SLC2A13: variants seen among roughly 807,000 people sequenced by gnomAD.
The protein encoded by SLC2A13 is solute carrier family 2 member 13, also known as proton myo-inositol cotransporter.
SLC2A13 carries 32 observed loss-of-function variants against 64.4 expected under a neutral mutation model. The ratio of observed to expected loss-of-function variants is 0.50; its 90% CI spans 0.37 to 0.67. The LOEUF (loss-of-function observed/expected upper bound fraction) is 0.67. Among genes scored for constraint, SLC2A13 ranks in the 30% least tolerant of loss-of-function variants. The pLI is 0.00. For synonymous variants in SLC2A13, 338 were observed against 327.1 expected (o/e 1.03, Z -0.36); for missense variants, 743 against 829.2 (o/e 0.90, Z 1.28).
At chr12:40,057,951 G>C (rs1012567461) in intron 1 of SLC2A13, among the ~76,000 whole-genome samples, 1 of 151,720 alleles carries the variant, frequency 6.6e-6, no homozygotes, top group Non-Finnish European at 1.5e-5. Flanking sequence ...ACCCACCAAC[G>C]GATATTATCT....
In SLC2A13 at chr12:39,971,997, A is replaced by AAAAATATATATATATATAT. The variant is rs1375405006; in HGVS notation, c.926-20633_926-20632insATATATATATATATATTTT. Among the ~76,000 whole-genome samples, 165 of 77,262 alleles carry AAAAATATATATATATATAT rather than the reference A, an allele frequency of 2.1e-3. 1 individual carries two copies. Among genetic ancestry groups the AAAAATATATATATATATAT allele is most frequent in the Non-Finnish European group, 3.1e-3 (124 of 40,224 alleles). The allele number at this position is 77,262 out of a possible 152,430, so 50.7% of individuals were successfully genotyped here. ...GAGTGTCTCCAGAAAAAAAAAAAAA[A>AAAAATATATATATATATAT]ATATATATATATATATATTTTTTTT... On this transcript the variant is annotated intron_variant, in intron 3 of 9. Transcript: ENST00000280871.
intron 3 of SLC2A13, among the ~76,000 whole-genome samples, chr12:39,989,442 C>G (rs988420832): frequency 6.6e-5 from 10 of 152,212 alleles, no homozygotes; most frequent in African/African-American, 2.2e-4. Context: ...CCCCTCCCCA[C>G]TAGAAATAAA....
At chr12:39,868,157 A>G (rs988909906) in intron 5 of SLC2A13, among the ~76,000 whole-genome samples, 6 of 152,172 alleles carry the variant, frequency 3.9e-5, no homozygotes, top group African/African-American at 1.4e-4. Context: ...CTAATACAAG[A>G]AGGCTTTGGA....
intron 3 of SLC2A13, among the ~76,000 whole-genome samples, chr12:39,952,812 T>C (rs777234445): frequency 2.0e-5 from 3 of 152,152 alleles, no homozygotes; most frequent in Non-Finnish European, 2.9e-5. Context: ...AACAGGTGAA[T>C]TTTGAGAGTT....
chr12:39,987,088 G>A (rs960409726), intron 3 of SLC2A13, among the ~76,000 whole-genome samples: 20 of 152,088 alleles, frequency 1.3e-4, no homozygotes, highest in African/African-American at 4.6e-4. Flanking sequence ...TAAGAAAAAT[G>A]GCTTTCCCTG....
At chr12:39,917,828 T>A (rs1424647921) in intron 4 of SLC2A13, among the ~76,000 whole-genome samples, 1 of 152,048 alleles carries the variant, frequency 6.6e-6, no homozygotes, top group African/African-American at 2.4e-5. Flanking sequence ...TGAACAACCC[T>A]CATGAATATA....
intron 1 of SLC2A13, among the ~76,000 whole-genome samples, chr12:40,074,717 G>T (rs1202367209): frequency 6.6e-6 from 1 of 151,894 alleles, no homozygotes; most frequent in Non-Finnish European, 1.5e-5. Flanking sequence ...CCCTTTTACT[G>T]TATCTTCTCA....
At chr12:39,892,615 A>G (rs1413090764) in intron 4 of SLC2A13, among the ~76,000 whole-genome samples, 1 of 152,202 alleles carries the variant, frequency 6.6e-6, no homozygotes, top group Non-Finnish European at 1.5e-5. Context: ...TATTTCTTCA[A>G]ACAGATTCTT....
At chr12:39,860,415 G>A (rs1943727863) in intron 6 of SLC2A13, among the ~76,000 whole-genome samples, 1 of 152,194 alleles carries the variant, frequency 6.6e-6, no homozygotes, top group African/African-American at 2.4e-5. Context: ...TCTTGATAAA[G>A]ATCTTAGTTG....
In SLC2A13 at chr12:40,035,047, C is replaced by T. The variant is rs554850054; in HGVS notation, c.717-6538G>A. Among the ~76,000 whole-genome samples, 25 of 152,280 alleles carry T rather than the reference C, an allele frequency of 1.6e-4. No individual in the cohort carries two copies. The South Asian group carries it at 5.2e-3, about 32-fold the overall frequency. On this transcript the variant is annotated intron_variant, in intron 2 of 9. Transcript: ENST00000280871. ...TCCCCTTAAAAAAGCATAACTCAAA[C>T]CCCTTCAACCTCATCCAAGAACACT... is the stretch of plus-strand genomic sequence containing the variant.
intron 1 of SLC2A13, among the ~76,000 whole-genome samples, chr12:40,096,488 T>C (rs1011039980): frequency 6.6e-6 from 1 of 151,874 alleles, no homozygotes; most frequent in Non-Finnish European, 1.5e-5. Context: ...ATAAAAGATG[T>C]CATCAATATA....
chr12:40,105,896 A>ACCGCCGCTG lies in SLC2A13; in HGVS notation c.-97_-89dup, dbSNP rs1939294769. On this transcript the variant is annotated 5_prime_UTR_variant, in exon 1 of 10. Transcript: ENST00000280871. This position sits in a 1 kb window ranked among gnomAD's most constrained non-coding sequence, Gnocchi z 4.2. Reference sequence around the variant, plus strand: ...TAGACAGCCCGAGCCGGCGGGAGCAACCGCCGCTGCCGCCGCTTTCTTCCT... The same window carrying ACCGCCGCTG: ...TAGACAGCCCGAGCCGGCGGGAGCAACCGCCGCTGCCGCCGCTGCCGCCGCTTTCTTCCT... The ACCGCCGCTG allele has an allele frequency of 8.0e-7, 1 of 1,247,968 alleles. No individual in the cohort carries two copies. The allele number at this position is 1,247,968 out of a possible 1,614,324, so 77.3% of individuals were successfully genotyped here. A position where few individuals can be genotyped will look rare whatever the true frequency, so the allele number is the denominator to read the frequency against.
chr12:39,885,425 T>G (rs1944443742), intron 4 of SLC2A13, among the ~76,000 whole-genome samples: 1 of 152,170 alleles, frequency 6.6e-6, no homozygotes, highest in Non-Finnish European at 1.5e-5. Context: ...AGAGAATCTC[T>G]GTACCAAATA....
At chr12:39,829,806 G>A (rs139972089) in intron 7 of SLC2A13, 1 of 351,806 alleles carries the variant, frequency 2.8e-6, no homozygotes, top group Admixed American at 3.9e-5. Flanking sequence ...ATATGCAGTG[G>A]GAGAAATTGC....
chr12:39,877,978 C>A (rs564569193), intron 4 of SLC2A13, among the ~76,000 whole-genome samples: 1 of 152,156 alleles, frequency 6.6e-6, no homozygotes, highest in South Asian at 2.1e-4. Flanking sequence ...GTGTGAGGTA[C>A]CTCCCCTGAC....
intron 4 of SLC2A13, among the ~76,000 whole-genome samples, chr12:39,887,851 C>T (rs1944508118): frequency 6.6e-6 from 1 of 152,180 alleles, no homozygotes; most frequent in South Asian, 2.1e-4. Flanking sequence ...TCTCATGGTT[C>T]TCCTTCTTAC....
At chr12:39,801,608 T>C (rs1941793844) in intron 7 of SLC2A13, among the ~76,000 whole-genome samples, 1 of 152,330 alleles carries the variant, frequency 6.6e-6, no homozygotes. Flanking sequence ...CCCAATGTAC[T>C]AGTCATAGGA....
At chr12:39,760,283 T>A in intron 9 of SLC2A13, 31 bp from the exon 10 acceptor site, 2 of 1,564,960 alleles carry the variant, frequency 1.3e-6, no homozygotes, top group Non-Finnish European at 1.7e-6. Flanking sequence ...TACATGAATA[T>A]GAATATATAG....
chr12:39,760,388 A>G, intron 9 of SLC2A13, 136 bp from the exon 10 acceptor site: 2 of 673,108 alleles, frequency 3.0e-6, no homozygotes, highest in Non-Finnish European at 4.9e-6. Context: ...AAAAATTACT[A>G]TGAACCTGGT....
Sources: allele counts gnomAD v4.1 joint callset (sites outside exome capture counted in the v4.1 genomes callset), GRCh38; gene constraint gnomAD v4.1.1; non-coding constraint Gnocchi (gnomAD v3.1); transcripts MANE v1.5; gene names NCBI Gene and HGNC (gene_info 2026-07-23, HGNC 2026-07-21).